Variants in FHIT observed in about 807,000 individuals in gnomAD.
The protein encoded by FHIT is bis(5'-adenosyl)-triphosphatase.
FHIT carries 19 observed loss-of-function variants against 17.9 expected under a neutral mutation model. The observed-to-expected ratio is 1.06, with a 90% CI of 0.74 to 1.56. FHIT has a LOEUF of 1.56. FHIT is among the 40% of genes most tolerant of loss of function. The pLI is 0.00. For missense variants in FHIT, 248 were observed against 189.2 expected (o/e 1.31, Z -1.82); for synonymous variants, 81 against 69.7 (o/e 1.16, Z -0.81).
At chr3:60,873,173 A>C (rs1215543676) in intron 3 of FHIT, among the ~76,000 whole-genome samples, 3 of 151,956 alleles carry the variant, frequency 2.0e-5, no homozygotes, top group Non-Finnish European at 4.4e-5. Flanking sequence ...GAGAGATCAC[A>C]CTACCAGGAG....
intron 3 of FHIT, among the ~76,000 whole-genome samples, chr3:60,987,464 C>T (rs2029862533): frequency 2.6e-5 from 4 of 152,302 alleles, no homozygotes; most frequent in Admixed American, 2.6e-4. Context: ...TTAACTAGCC[C>T]AACCTATTCC....
At chr3:61,226,046 A>G (rs1170038980) in intron 1 of FHIT, among the ~76,000 whole-genome samples, 3 of 152,234 alleles carry the variant, frequency 2.0e-5, no homozygotes, top group African/African-American at 4.8e-5. Context: ...ATGATTTTCC[A>G]TAGCACATTT....
chr3:60,855,301 G>A (rs1340569972), intron 3 of FHIT, among the ~76,000 whole-genome samples: 7 of 152,110 alleles, frequency 4.6e-5, no homozygotes, highest in Admixed American at 2.6e-4. Flanking sequence ...TCTAACCAAT[G>A]AGTGGACATA....
intron 5 of FHIT, among the ~76,000 whole-genome samples, chr3:60,138,403 T>G (rs914899724): frequency 1.3e-5 from 2 of 152,182 alleles, no homozygotes; most frequent in African/African-American, 4.8e-5. Flanking sequence ...CTCTCCTCTT[T>G]GAGAAGATGA....
At chr3:61,038,673 T>C (rs893749600) in intron 3 of FHIT, among the ~76,000 whole-genome samples, 1 of 151,842 alleles carries the variant, frequency 6.6e-6, no homozygotes, top group Non-Finnish European at 1.5e-5. Context: ...TACATCAGAG[T>C]AAAGTGAAGT....
intron 3 of FHIT, among the ~76,000 whole-genome samples, chr3:60,910,579 T>C (rs1706691367): frequency 6.6e-6 from 1 of 151,870 alleles, no homozygotes; most frequent in Non-Finnish European, 1.5e-5. Context: ...GCCCGGCTAA[T>C]TTTTTGTATT....
chr3:60,807,089 C>T (rs908851233), intron 4 of FHIT, among the ~76,000 whole-genome samples: 35 of 152,044 alleles, frequency 2.3e-4, no homozygotes, highest in African/African-American at 8.2e-4. Context: ...GAAGTATTGC[C>T]AAGAAATTTT....
chr3:60,663,497 G>A (rs1217207827), intron 4 of FHIT, among the ~76,000 whole-genome samples: 1 of 151,920 alleles, frequency 6.6e-6, no homozygotes, highest in Non-Finnish European at 1.5e-5. Flanking sequence ...GTGCAGTGGT[G>A]CAATCTCGGC....
At chr3:61,210,214 C>G (rs1438767512) in intron 1 of FHIT, among the ~76,000 whole-genome samples, 2 of 152,202 alleles carry the variant, frequency 1.3e-5, no homozygotes, top group Non-Finnish European at 2.9e-5. Flanking sequence ...TAGAACGCCC[C>G]TAGTGCGGGG....
intron 5 of FHIT, among the ~76,000 whole-genome samples, chr3:60,155,445 C>T (rs1700642566): frequency 6.6e-6 from 1 of 151,620 alleles, no homozygotes; most frequent in Non-Finnish European, 1.5e-5. Flanking sequence ...GCGAAGCTGC[C>T]TGGAACAGTC....
At chr3:60,878,922 A>C (rs1352864584) in intron 3 of FHIT, among the ~76,000 whole-genome samples, 1 of 152,134 alleles carries the variant, frequency 6.6e-6, no homozygotes, top group Non-Finnish European at 1.5e-5. Flanking sequence ...CAAGTCTTTG[A>C]TATTGTGAAT....
At chr3:60,258,620 G>A (rs1706139444) in intron 5 of FHIT, among the ~76,000 whole-genome samples, 1 of 152,114 alleles carries the variant, frequency 6.6e-6, no homozygotes, top group South Asian at 2.1e-4. Context: ...GTTCATGGCT[G>A]AGGCACCTAT....
chr3:60,967,025 C>T (rs1709779795), intron 3 of FHIT, among the ~76,000 whole-genome samples: 1 of 152,092 alleles, frequency 6.6e-6, no homozygotes, highest in Non-Finnish European at 1.5e-5. Flanking sequence ...GATGTTTATG[C>T]CTCATGGAAT....
intron 5 of FHIT, among the ~76,000 whole-genome samples, chr3:60,199,559 G>C (rs1702803497): frequency 6.6e-6 from 1 of 152,020 alleles, no homozygotes; most frequent in South Asian, 2.1e-4. Flanking sequence ...AAATGAAGAG[G>C]GGTAATAGCG....
At chr3:61,048,784 A>G (rs1358201605) in intron 2 of FHIT, among the ~76,000 whole-genome samples, 1 of 152,216 alleles carries the variant, frequency 6.6e-6, no homozygotes. Flanking sequence ...ACCATGGAAT[A>G]CTATGCAGCC....
intron 3 of FHIT, among the ~76,000 whole-genome samples, chr3:60,927,445 A>G (rs557162278): frequency 4.1e-4 from 63 of 152,000 alleles, no homozygotes; most frequent in African/African-American, 1.4e-3. Context: ...CCAGCCGCCA[A>G]TCATCTGGGA....
At chr3:59,977,221 T>C (rs1185860477) in intron 7 of FHIT, among the ~76,000 whole-genome samples, 3 of 152,116 alleles carry the variant, frequency 2.0e-5, no homozygotes, top group African/African-American at 4.8e-5. Context: ...ATATCATACA[T>C]CTGCTGATGG....
intron 7 of FHIT, among the ~76,000 whole-genome samples, chr3:60,002,066 T>C (rs1340987320): frequency 1.3e-5 from 2 of 152,158 alleles, no homozygotes; most frequent in African/African-American, 4.8e-5. Flanking sequence ...TTTGGTGTGT[T>C]CACTTTGTTA....
At chr3:60,860,226 T>C (rs1703610069) in intron 3 of FHIT, among the ~76,000 whole-genome samples, 1 of 145,932 alleles carries the variant, frequency 6.9e-6, no homozygotes, top group South Asian at 2.1e-4. Context: ...ATGAGATACA[T>C]CATATGTATA....
Sources: gnomAD v4.1 joint callset for allele counts (sites outside exome capture counted in the v4.1 genomes callset) on GRCh38, gnomAD v4.1.1 for gene constraint, MANE v1.5 for transcripts, NCBI Gene and HGNC (gene_info 2026-07-23, HGNC 2026-07-21) for gene names.